Variants in CIMIP6 observed in about 807,000 individuals in gnomAD.
CIMIP6 encodes the protein ciliary microtubule inner protein 6, also known as uncharacterized protein C2orf73.
chr2:54,343,574 A>G, the CIMIP6 span: 45 of 515,504 alleles, frequency 8.7e-5, no homozygotes, highest in East Asian at 1.4e-3. Flanking sequence ...TTGTGAAAAG[A>G]TATTTCCAGA....
At chr2:54,362,354 T>C in the CIMIP6 span, among the ~76,000 whole-genome samples, 1 of 152,196 alleles carries the variant, frequency 6.6e-6, no homozygotes, top group Non-Finnish European at 1.5e-5. Context: ...ATTTCAAAAC[T>C]GGAGATAAAA....
the CIMIP6 span, among the ~76,000 whole-genome samples, chr2:54,348,679 G>A: frequency 2.8e-4 from 43 of 152,242 alleles, no homozygotes; most frequent in African/African-American, 1.0e-3. Context: ...TTAAAAATAT[G>A]TATATAAACT....
At chr2:54,342,579 A>G in the CIMIP6 span, among the ~76,000 whole-genome samples, 2 of 148,584 alleles carry the variant, frequency 1.3e-5, no homozygotes, top group African/African-American at 2.5e-5. Context: ...AACTAAGCTC[A>G]TTTGAGAGCT....
chr2:54,370,769 C>T, the CIMIP6 span, among the ~76,000 whole-genome samples: 3 of 152,212 alleles, frequency 2.0e-5, no homozygotes. Context: ...GCCAGGATAG[C>T]AGAGTTCCTG....
chr2:54,382,215 A>G, the CIMIP6 span, among the ~76,000 whole-genome samples: 802 of 152,292 alleles, frequency 5.3e-3, 9 homozygotes, highest in African/African-American at 0.018. Context: ...ATACTACACA[A>G]TATTCTAAAT....
the CIMIP6 span, chr2:54,360,175 T>C: frequency 6.6e-7 from 1 of 1,513,464 alleles, no homozygotes. Flanking sequence ...GTTCTCCTGG[T>C]TAATGTCGAC....
chr2:54,359,015 ATC>A, the CIMIP6 span: 1 of 1,557,244 alleles, frequency 6.4e-7, no homozygotes, highest in Non-Finnish European at 8.7e-7. Flanking sequence ...TATAGAATAC[ATC>A]TCTTTTATAC....
At chr2:54,359,121 T>G in the CIMIP6 span, 1 of 1,084,566 alleles carries the variant, frequency 9.2e-7, no homozygotes. Context: ...CAGAGTAGAT[T>G]TGTAGAACTT....
the CIMIP6 span, among the ~76,000 whole-genome samples, chr2:54,365,074 T>G: frequency 6.6e-6 from 1 of 152,138 alleles, no homozygotes; most frequent in South Asian, 2.1e-4. Context: ...GAGTTGGAGC[T>G]GTGCAAAGAG....
chr2:54,338,313 T>C, the CIMIP6 span, among the ~76,000 whole-genome samples: 1 of 152,144 alleles, frequency 6.6e-6, no homozygotes, highest in East Asian at 1.9e-4. Flanking sequence ...CAAGCCTCCG[T>C]AGTCCCAGCT....
At chr2:54,349,303 A>G in the CIMIP6 span, among the ~76,000 whole-genome samples, 1 of 152,068 alleles carries the variant, frequency 6.6e-6, no homozygotes, top group Non-Finnish European at 1.5e-5. Flanking sequence ...TACTGAGAAG[A>G]GTGGGATTTA....
chr2:54,380,913 C>A, the CIMIP6 span, among the ~76,000 whole-genome samples: 1 of 152,130 alleles, frequency 6.6e-6, no homozygotes, highest in Non-Finnish European at 1.5e-5. Context: ...CTTTTTTAGT[C>A]TTCTTGTTTC....
the CIMIP6 span, chr2:54,343,673 A>G: frequency 7.1e-7 from 1 of 1,401,262 alleles, no homozygotes. Flanking sequence ...ATACATGAAA[A>G]TGCCCTACAG....
chr2:54,378,032 G>A, the CIMIP6 span, among the ~76,000 whole-genome samples: 8 of 152,160 alleles, frequency 5.3e-5, no homozygotes, highest in Admixed American at 3.3e-4. Context: ...AGATTCCCCC[G>A]TTAATTGGTG....
At chr2:54,331,361 C>A in the CIMIP6 span, among the ~76,000 whole-genome samples, 1 of 152,166 alleles carries the variant, frequency 6.6e-6, no homozygotes, top group African/African-American at 2.4e-5. Context: ...GCTTCTCTTG[C>A]CGGGATGCTG....
At chr2:54,379,854 G>A in the CIMIP6 span, among the ~76,000 whole-genome samples, 2 of 152,002 alleles carry the variant, frequency 1.3e-5, no homozygotes, top group East Asian at 3.9e-4. Context: ...GCATGTGCCT[G>A]TAATCCCAGC....
chr2:54,347,715 G>A, the CIMIP6 span, among the ~76,000 whole-genome samples: 1 of 152,112 alleles, frequency 6.6e-6, no homozygotes, highest in Non-Finnish European at 1.5e-5. Context: ...CTCTGCCTAG[G>A]ATGGAGGACA....
the CIMIP6 span, among the ~76,000 whole-genome samples, chr2:54,370,268 G>GAAA: frequency 1.3e-5 from 2 of 151,700 alleles, no homozygotes; most frequent in African/African-American, 4.8e-5. Flanking sequence ...AAAAGAGAAA[G>GAAA]GAAAAAGACA....
the CIMIP6 span, chr2:54,381,967 T>C: frequency 1.3e-6 from 2 of 1,546,380 alleles, no homozygotes. Context: ...TCTTATTTTC[T>C]CCTTGAAATA....
Sources: allele counts gnomAD v4.1 joint callset (sites outside exome capture counted in the v4.1 genomes callset), GRCh38; gene constraint gnomAD v4.1.1; transcripts MANE v1.5; gene names NCBI Gene and HGNC (gene_info 2026-07-23, HGNC 2026-07-21).